Variants in GHRH observed in about 807,000 individuals in gnomAD.
GHRH encodes the protein growth hormone releasing hormone.
GHRH carries 7 observed loss-of-function variants against 15.6 expected under a neutral mutation model. The ratio of observed to expected loss-of-function variants is 0.45; its 90% confidence interval spans 0.26 to 0.84. The LOEUF is 0.84. Among genes scored for constraint, GHRH ranks in the 40% least tolerant of loss-of-function variants. The probability of loss-of-function intolerance (pLI) is 0.18; values close to 1 mark genes in which losing one functional copy is unlikely to be tolerated. For synonymous variants in GHRH, 54 were observed against 50.4 expected (o/e 1.07, Z -0.30); for missense variants, 117 against 138.0 (o/e 0.85, Z 0.76).
At chr20:37,253,191 T>C (rs2068632313) in intron 4 of GHRH, among the ~76,000 whole-genome samples, 1 of 152,226 alleles carries the variant, frequency 6.6e-6, no homozygotes, top group African/African-American at 2.4e-5. Context: ...TGGGGCCAGC[T>C]GCCGCCCCGT....
Position 37,251,202 on chromosome 20 carries a change from A to C in GHRH, c.*11T>G, listed in dbSNP as rs367673528. ...TTTGGCTACAGGTAGCCCGGGTCAC[A>C]GGAGGAATCTTCATCCCTGGGAGTT... On this transcript the variant is annotated 3_prime_UTR_variant, in exon 5 of 5. Coordinates refer to ENST00000373614, the MANE Select transcript of GHRH (RefSeq NM_021081.6). 1.4e-4 allele frequency: 219 copies of C among 1,595,680 alleles called. No individual in the cohort carries two copies. Among genetic ancestry groups the C allele is most frequent in the Non-Finnish European group, 1.7e-4 (204 of 1,170,682 alleles).
At chr20:37,252,596 A>C (rs1261791320) in intron 4 of GHRH, among the ~76,000 whole-genome samples, 1 of 147,956 alleles carries the variant, frequency 6.8e-6, no homozygotes, top group South Asian at 2.1e-4. Flanking sequence ...GTGAAACCCC[A>C]TCTCTACTAA....
intron 4 of GHRH, among the ~76,000 whole-genome samples, chr20:37,251,706 G>T (rs1052152254): frequency 2.6e-5 from 4 of 152,180 alleles, no homozygotes; most frequent in African/African-American, 7.2e-5. Flanking sequence ...TCACTGGATG[G>T]TCTTTACAGG....
chr20:37,260,230 C>T lies in GHRH; in HGVS notation c.-20+1513G>A, dbSNP rs2068680559. On this transcript the variant is annotated intron_variant, in intron 1 of 4. Transcript: ENST00000373614. ...GTGCCCCAGGCATAGGTCAAGACCC[C>T]ACAGCAACCTCTGAGCTATGAGAAC... is the stretch of plus-strand genomic sequence containing the variant. Among the ~76,000 whole-genome samples, 3 of 152,150 alleles carry T rather than the reference C, an allele frequency of 2.0e-5. No individual in the cohort carries two copies. In the South Asian group the frequency reaches 6.2e-4, roughly 32 times the overall value.
intron 3 of GHRH, among the ~76,000 whole-genome samples, chr20:37,254,669 C>G (rs1195025157): frequency 1.3e-5 from 2 of 152,182 alleles, no homozygotes; most frequent in Non-Finnish European, 2.9e-5. Context: ...CCTCCTGATA[C>G]CAGGCACTGA....
At chr20:37,259,886 C>G (rs565195565) in intron 1 of GHRH, among the ~76,000 whole-genome samples, 4 of 152,322 alleles carry the variant, frequency 2.6e-5, no homozygotes, top group South Asian at 2.1e-4. Flanking sequence ...GTACAATGCT[C>G]TATTCACAGT....
intron 2 of GHRH, 105 bp downstream of exon 2, chr20:37,256,702 A>G: frequency 1.1e-6 from 1 of 913,252 alleles, no homozygotes; most frequent in Non-Finnish European, 1.7e-6. Context: ...CTGCCTGGAG[A>G]CATAGCCAGG....
chr20:37,255,223 G>A (rs2068648275), intron 3 of GHRH, among the ~76,000 whole-genome samples: 1 of 152,144 alleles, frequency 6.6e-6, no homozygotes, highest in African/African-American at 2.4e-5. Context: ...AATTGGAAGT[G>A]TATATGGAAG....
In GHRH at chr20:37,261,724, C is replaced by G. The variant is rs1038034468; in HGVS notation, c.-20+19G>C. On this transcript the variant is annotated intron_variant, in intron 1 of 4. Coordinates refer to ENST00000373614, the MANE Select transcript of GHRH (RefSeq NM_021081.6). ...CTTACCCCCACCCAGCCTAGCCCCCCCAGGGCCACCCCTCTCACCTGATGC... is the reference window on the plus strand; with the variant it reads ...CTTACCCCCACCCAGCCTAGCCCCCGCAGGGCCACCCCTCTCACCTGATGC... 1.3e-5 allele frequency: 2 copies of G among 152,286 alleles called. No individual in the cohort carries two copies. Among genetic ancestry groups the G allele is most frequent in the Admixed American group, 6.5e-5 (1 of 15,278 alleles). 9.4% of individuals were successfully genotyped at this position (152,286 alleles called of 1,614,324 possible). A position where few individuals can be genotyped will look rare whatever the true frequency, so the allele number is the denominator to read the frequency against.
Position 37,258,525 on chromosome 20 carries a change from A to AG in GHRH, c.-19-1618dup, listed in dbSNP as rs1445013874. Among the ~76,000 whole-genome samples the AG allele has an allele frequency of 2.0e-5, 3 of 152,138 alleles. No individual in the cohort carries two copies. The highest frequency in any genetic ancestry group is 4.4e-5 in the Non-Finnish European group (3 of 68,012). Reference sequence around the variant, plus strand: ...TGCCTTGGGCCCCCAGGCAGCACTCAGGGGGTCTGCTTACTGCAGCCTGAG... The same window carrying AG: ...TGCCTTGGGCCCCCAGGCAGCACTCAGGGGGGTCTGCTTACTGCAGCCTGAG... On this transcript the variant is annotated intron_variant, in intron 1 of 4. Coordinates refer to ENST00000373614, the MANE Select transcript of GHRH (RefSeq NM_021081.6). This position sits in a 1 kb window ranked among gnomAD's most constrained non-coding sequence, Gnocchi z 4.1.
chr20:37,251,766 C>T lies in GHRH; in HGVS notation c.309-535G>A, dbSNP rs903734928. 3.3e-5 allele frequency among the ~76,000 whole-genome samples: 5 copies of T among 152,136 alleles called. No individual in the cohort carries two copies. In the East Asian group the frequency reaches 9.6e-4, roughly 29 times the overall value. On this transcript the variant is annotated intron_variant, in intron 4 of 4. Coordinates refer to ENST00000373614, the MANE Select transcript of GHRH (RefSeq NM_021081.6). ...CCTCAGTTTCCTTACAGGGCTGTTA[C>T]GTGGACACAATGTATGATGGCTGCA...
intron 3 of GHRH, 35 bp downstream of exon 3, chr20:37,256,359 G>A (rs1264854145): frequency 7.3e-7 from 1 of 1,367,876 alleles, no homozygotes; most frequent in Non-Finnish European, 1.0e-6. Flanking sequence ...CTCTGCTGCA[G>A]GGTGTGGGAA....
At chr20:37,255,660 C>CAA (rs61126074) in intron 3 of GHRH, among the ~76,000 whole-genome samples, 290 of 14,692 alleles carry the variant, frequency 0.02, 29 homozygotes, top group Middle Eastern at 0.045. Context: ...GACTCCATCT[C>CAA]AAAAAAAAAA....
rs569156397 is a variant in GHRH at position 37,257,469 on chromosome 20, C to T, written c.-19-561G>A. 2.1e-4 allele frequency among the ~76,000 whole-genome samples: 31 copies of T among 150,498 alleles called. 1 individual carries two copies. The highest frequency in any genetic ancestry group is 7.4e-4 in the African/African-American group (30 of 40,786). ...GGTGGAAGTTGCAGTGAGCCAAGAT[C>T]GTCCCATGCACTCCACGCTGGGTGA... On this transcript the variant is annotated intron_variant, in intron 1 of 4. Coordinates refer to ENST00000373614, the MANE Select transcript of GHRH (RefSeq NM_021081.6).
intron 4 of GHRH, among the ~76,000 whole-genome samples, chr20:37,252,249 G>T (rs1296390032): frequency 6.6e-6 from 1 of 152,192 alleles, no homozygotes; most frequent in African/African-American, 2.4e-5. Context: ...CTGGGGCCCA[G>T]GTGTTCTTCC....
chr20:37,260,418 A>T (rs144355078), intron 1 of GHRH, among the ~76,000 whole-genome samples: 1,848 of 151,686 alleles, frequency 0.012, 39 homozygotes, highest in African/African-American at 0.041. Flanking sequence ...AAACACACAA[A>T]ACAAAACAAA....
At chr20:37,257,486 G>A (rs1470574980) in intron 1 of GHRH, among the ~76,000 whole-genome samples, 3 of 149,992 alleles carry the variant, frequency 2.0e-5, no homozygotes, top group Non-Finnish European at 3.0e-5. Flanking sequence ...TGCACTCCAC[G>A]CTGGGTGACA....
At chr20:37,256,134 T>C (rs961799329) in intron 3 of GHRH, among the ~76,000 whole-genome samples, 14 of 152,148 alleles carry the variant, frequency 9.2e-5, no homozygotes, top group African/African-American at 3.1e-4. Flanking sequence ...GGCAGAGCCT[T>C]TGTTTTTGGC....
At chr20:37,260,625 A>G (rs529696171) in intron 1 of GHRH, among the ~76,000 whole-genome samples, 1 of 152,292 alleles carries the variant, frequency 6.6e-6, no homozygotes, top group East Asian at 1.9e-4. Context: ...CACATTCCAC[A>G]TGACAACTTA....
Sources: gnomAD v4.1 joint callset for allele counts (sites outside exome capture counted in the v4.1 genomes callset) on GRCh38, gnomAD v4.1.1 for gene constraint, Gnocchi (gnomAD v3.1) non-coding constraint, MANE v1.5 for transcripts, NCBI Gene and HGNC (gene_info 2026-07-23, HGNC 2026-07-21) for gene names.